Variants in PDE11A observed in about 807,000 individuals in gnomAD.
The protein encoded by PDE11A is phosphodiesterase 11A.
PDE11A carries 100 observed loss-of-function variants against 100.5 expected under a neutral mutation model. That is an observed-to-expected ratio of 1.00 (90% CI 0.85 to 1.18). The LOEUF is 1.18. PDE11A is among the 50% of genes most tolerant of loss of function. The pLI is 0.00. For synonymous variants in PDE11A, 381 were observed against 420.8 expected, an observed-to-expected ratio of 0.91 and a Z score of 1.16; for missense variants, 1,141 against 1,152.6, an observed-to-expected ratio of 0.99 and a Z score of 0.15.
At chr2:177,881,365 A>T (rs944548119) in intron 4 of PDE11A, among the ~76,000 whole-genome samples, 1 of 151,446 alleles carries the variant, frequency 6.6e-6, no homozygotes, top group Non-Finnish European at 1.5e-5. Flanking sequence ...CTATCTATCT[A>T]TCTATCTATC....
At chr2:177,705,599 A>G (rs1466148319) in intron 13 of PDE11A, among the ~76,000 whole-genome samples, 4 of 152,208 alleles carry the variant, frequency 2.6e-5, no homozygotes, top group Admixed American at 6.5e-5. Context: ...AGGCACCAAA[A>G]ATGTGTGCAA....
At chr2:177,641,642 T>C (rs2080145189) in intron 19 of PDE11A, among the ~76,000 whole-genome samples, 2 of 152,182 alleles carry the variant, frequency 1.3e-5, no homozygotes, top group Non-Finnish European at 2.9e-5. Flanking sequence ...TTGCTTAAGA[T>C]AATGTATTAA....
chr2:177,954,603 T>G (rs1180279139), intron 2 of PDE11A, among the ~76,000 whole-genome samples: 1 of 152,172 alleles, frequency 6.6e-6, no homozygotes, highest in African/African-American at 2.4e-5. Flanking sequence ...AAAAAGGGAT[T>G]TCATTGCCCA....
chr2:177,915,571 C>A (rs2084940923), intron 2 of PDE11A, among the ~76,000 whole-genome samples: 1 of 152,156 alleles, frequency 6.6e-6, no homozygotes, highest in African/African-American at 2.4e-5. Flanking sequence ...ACTGGATATA[C>A]CCATGTTTGT....
intron 16 of PDE11A, 27 bp from the exon 17 acceptor site, chr2:177,675,545 C>T (rs143698409): frequency 6.3e-7 from 1 of 1,587,460 alleles, no homozygotes; most frequent in Non-Finnish European, 8.6e-7. Context: ...AACAAAACAG[C>T]CTGAATAATC....
intron 15 of PDE11A, among the ~76,000 whole-genome samples, chr2:177,696,982 G>A (rs1280483177): frequency 6.6e-6 from 1 of 152,106 alleles, no homozygotes; most frequent in Non-Finnish European, 1.5e-5. Context: ...TTTCATCTTC[G>A]TTATCAATGC....
intron 5 of PDE11A, among the ~76,000 whole-genome samples, chr2:177,859,758 T>TA (rs892967455): frequency 8.0e-4 from 116 of 145,000 alleles, no homozygotes; most frequent in East Asian, 4.2e-3. Flanking sequence ...GCTCATATGA[T>TA]AAAAAAAAAA....
At chr2:177,743,250 T>C (rs2081900524) in intron 10 of PDE11A, among the ~76,000 whole-genome samples, 1 of 152,228 alleles carries the variant, frequency 6.6e-6, no homozygotes, top group African/African-American at 2.4e-5. Context: ...ATGGTTTTTG[T>C]TAGTTATAGG....
At position 177,626,789 on chromosome 2, in the gene PDE11A, C is replaced by T. The variant is rs1159777305; in HGVS notation, c.*2618G>A. 1.3e-5 allele frequency: 2 copies of T among 152,020 alleles called. No homozygotes were observed. Among genetic ancestry groups the T allele is most frequent in the Non-Finnish European group, 2.9e-5 (2 of 68,072 alleles). The allele number at this position is 152,020 out of a possible 1,614,324, so 9.4% of individuals were successfully genotyped here. Reference sequence around the variant, plus strand: ...CTCCTTCCTTCTCCCCTTTCTCAAACCCCTCCCTGCTCAAGTGTCTCTCTT... The same window carrying T: ...CTCCTTCCTTCTCCCCTTTCTCAAATCCCTCCCTGCTCAAGTGTCTCTCTT... On this transcript the variant is annotated 3_prime_UTR_variant, in exon 20 of 20. Transcript: ENST00000286063.
intron 6 of PDE11A, among the ~76,000 whole-genome samples, chr2:177,829,091 A>AC (rs2083269459): frequency 6.6e-6 from 1 of 152,096 alleles, no homozygotes; most frequent in African/African-American, 2.4e-5. Flanking sequence ...TTCATGTTCA[A>AC]CATCAGAGAA....
rs186409684 is a variant in PDE11A at position 177,623,876 on chromosome 2, G to T, written c.*5531C>A. The T allele has an allele frequency of 6.6e-6, 1 of 152,152 alleles. No individual in the cohort carries two copies. The highest frequency in any genetic ancestry group is 1.9e-4 in the East Asian group (1 of 5,202). The allele number at this position is 152,152 out of a possible 1,614,324, so 9.4% of individuals were successfully genotyped here. ...AACATTCAAAATTAAATTTAAAAAAGTACAACCCCAAATTACTAGCTGAAG... is the reference window on the plus strand; with the variant it reads ...AACATTCAAAATTAAATTTAAAAAATTACAACCCCAAATTACTAGCTGAAG... On this transcript the variant is annotated 3_prime_UTR_variant, in exon 20 of 20. Coordinates refer to ENST00000286063, the MANE Select transcript of PDE11A (RefSeq NM_016953.4).
At chr2:177,770,594 A>C (rs2082298358) in intron 9 of PDE11A, among the ~76,000 whole-genome samples, 1 of 152,186 alleles carries the variant, frequency 6.6e-6, no homozygotes. Flanking sequence ...CTGGAGGTGC[A>C]GCAAAATCTG....
intron 2 of PDE11A, among the ~76,000 whole-genome samples, chr2:178,083,088 G>A (rs1415209341): frequency 6.7e-6 from 1 of 149,790 alleles, no homozygotes; most frequent in Non-Finnish European, 1.5e-5. Context: ...ACAGAACTCA[G>A]TAAAACTAAA....
At chr2:177,863,561 G>T (rs2083979150) in intron 5 of PDE11A, among the ~76,000 whole-genome samples, 1 of 151,958 alleles carries the variant, frequency 6.6e-6, no homozygotes, top group Non-Finnish European at 1.5e-5. Flanking sequence ...CATTAAAATG[G>T]CCAACAGGTA....
At chr2:178,064,218 AGT>A (rs2087010500) in intron 1 of PDE11A, among the ~76,000 whole-genome samples, 1 of 152,202 alleles carries the variant, frequency 6.6e-6, no homozygotes, top group African/African-American at 2.4e-5. Flanking sequence ...TGCCTTTTAC[AGT>A]TTAACAATGT....
intron 13 of PDE11A, among the ~76,000 whole-genome samples, chr2:177,710,849 T>G (rs2081349041): frequency 6.6e-6 from 1 of 152,224 alleles, no homozygotes; most frequent in Non-Finnish European, 1.5e-5. Context: ...AAGAGCAGAC[T>G]GTGAAAGTTT....
chr2:177,655,155 T>C (rs576718083), intron 19 of PDE11A, among the ~76,000 whole-genome samples: 44 of 152,334 alleles, frequency 2.9e-4, no homozygotes, highest in East Asian at 5.8e-4. Context: ...TTTTTTTCCA[T>C]TGGATTCCAG....
At chr2:177,753,192 T>C (rs1309097540) in intron 10 of PDE11A, among the ~76,000 whole-genome samples, 2 of 152,208 alleles carry the variant, frequency 1.3e-5, no homozygotes, top group African/African-American at 4.8e-5. Context: ...GTGAATGCCT[T>C]TCCAACATGT....
At chr2:177,631,421 C>G (rs2079922533) in intron 19 of PDE11A, among the ~76,000 whole-genome samples, 2 of 127,962 alleles carry the variant, frequency 1.6e-5, no homozygotes, top group African/African-American at 6.2e-5. Flanking sequence ...GCAGAAGTTG[C>G]AGTGGGCTGA....
Sources: gnomAD v4.1 joint callset for allele counts (sites outside exome capture counted in the v4.1 genomes callset) on GRCh38, gnomAD v4.1.1 for gene constraint, MANE v1.5 for transcripts, NCBI Gene and HGNC (gene_info 2026-07-23, HGNC 2026-07-21) for gene names.